ROBO1: variants seen among roughly 807,000 people sequenced by gnomAD.
ROBO1 encodes roundabout homolog 1.
In ROBO1, 149 loss-of-function variants were observed where a neutral mutation model predicts 195.9. That is an observed-to-expected ratio of 0.76 (90% CI 0.67 to 0.87). The LOEUF (loss-of-function observed/expected upper bound fraction) is 0.87. ROBO1 is among the 40% of genes least tolerant of loss of function. The pLI, the probability that ROBO1 is intolerant of heterozygous loss-of-function variation, is 0.00. For synonymous variants in ROBO1, 816 were observed against 733.2 expected (o/e 1.11, Z -1.82); for missense variants, 1,933 against 2,068.3 (o/e 0.93, Z 1.27).
chr3:79,248,374 CA>C (rs10559171), intron 2 of ROBO1, among the ~76,000 whole-genome samples: 1,392 of 36,188 alleles, frequency 0.038, 6 homozygotes, highest in African/African-American at 0.1. Flanking sequence ...GAAGACAGAC[CA>C]AAAAAAAAAA....
At chr3:78,816,515 T>C (rs886776722) in intron 4 of ROBO1, among the ~76,000 whole-genome samples, 3 of 152,144 alleles carry the variant, frequency 2.0e-5, no homozygotes, top group Non-Finnish European at 4.4e-5. Context: ...TAAGGCTATA[T>C]AGCTGCCATA....
intron 1 of ROBO1, among the ~76,000 whole-genome samples, chr3:79,767,420 A>C (rs1250909083): frequency 6.6e-6 from 1 of 152,142 alleles, no homozygotes; most frequent in Non-Finnish European, 1.5e-5. Context: ...ACACACAACA[A>C]ACAAATTCCA....
At chr3:79,518,322 A>AG (rs1451494201) in intron 2 of ROBO1, among the ~76,000 whole-genome samples, 1 of 152,160 alleles carries the variant, frequency 6.6e-6, no homozygotes, top group African/African-American at 2.4e-5. Flanking sequence ...GAGGAAAGGA[A>AG]GGGGAAGGGA....
At chr3:78,682,016 C>CT (rs1338041123) in intron 10 of ROBO1, among the ~76,000 whole-genome samples, 5 of 152,242 alleles carry the variant, frequency 3.3e-5, no homozygotes, top group African/African-American at 1.2e-4. Flanking sequence ...GGAATATACA[C>CT]TTTATCCTGA....
intron 2 of ROBO1, among the ~76,000 whole-genome samples, chr3:79,353,926 T>A (rs1443987401): frequency 6.6e-6 from 1 of 151,882 alleles, no homozygotes; most frequent in Non-Finnish European, 1.5e-5. Context: ...GCACCTGTAA[T>A]CCCAGCTACT....
intron 2 of ROBO1, among the ~76,000 whole-genome samples, chr3:79,333,314 T>C (rs984019798): frequency 1.3e-5 from 2 of 152,188 alleles, no homozygotes; most frequent in African/African-American, 2.4e-5. Flanking sequence ...GAAATGTCTT[T>C]GATTTAAAAC....
chr3:79,001,428 T>C (rs2077502518), intron 3 of ROBO1, among the ~76,000 whole-genome samples: 1 of 152,128 alleles, frequency 6.6e-6, no homozygotes, highest in South Asian at 2.1e-4. Context: ...GGAACTACAA[T>C]TCAAGATGAG....
rs1485986133 is a variant in ROBO1 at position 79,125,390 on chromosome 3, G to GT, written c.172+65dup. ...TGATTCGATTAATTTTATACAGGTG[G>GT]TTGATGGTTGATGGAGGTGGAGGCA... On this transcript the variant is annotated intron_variant, in intron 3 of 30. Coordinates refer to ENST00000464233, the MANE Select transcript of ROBO1 (RefSeq NM_002941.4). 5 of 1,251,232 alleles carry GT rather than the reference G, an allele frequency of 4.0e-6. No homozygotes were observed. The African/African-American group carries it at 7.4e-5, about 18-fold the overall frequency. The allele number at this position is 1,251,232 out of a possible 1,614,324, so 77.5% of individuals were successfully genotyped here.
At chr3:79,259,440 T>A (rs1454254072) in intron 2 of ROBO1, among the ~76,000 whole-genome samples, 1 of 151,918 alleles carries the variant, frequency 6.6e-6, no homozygotes, top group African/African-American at 2.4e-5. Context: ...ATGCCTGGCC[T>A]AAGCACACTC....
At chr3:78,918,177 C>T (rs1162015600) in intron 4 of ROBO1, among the ~76,000 whole-genome samples, 1 of 152,064 alleles carries the variant, frequency 6.6e-6, no homozygotes, top group African/African-American at 2.4e-5. Flanking sequence ...ATATGGTAAA[C>T]CATTTATGGA....
chr3:79,365,156 G>A (rs2035922395), intron 2 of ROBO1, among the ~76,000 whole-genome samples: 1 of 152,074 alleles, frequency 6.6e-6, no homozygotes, highest in Non-Finnish European at 1.5e-5. Context: ...TTCCCTCTAT[G>A]CTTTACTCCT....
chr3:78,994,363 G>A (rs1305604643), intron 3 of ROBO1, among the ~76,000 whole-genome samples: 1 of 152,114 alleles, frequency 6.6e-6, no homozygotes, highest in African/African-American at 2.4e-5. Flanking sequence ...ATTAAAAACA[G>A]TGGAGAAAAA....
intron 2 of ROBO1, among the ~76,000 whole-genome samples, chr3:79,457,630 G>T (rs2039661171): frequency 6.6e-6 from 1 of 152,016 alleles, no homozygotes; most frequent in Admixed American, 6.6e-5. Context: ...GAATCATGGG[G>T]GCAGGTATTT....
At chr3:79,304,674 T>A (rs1265394073) in intron 2 of ROBO1, among the ~76,000 whole-genome samples, 1 of 152,196 alleles carries the variant, frequency 6.6e-6, no homozygotes, top group Non-Finnish European at 1.5e-5. Context: ...TATTTAGAGG[T>A]CATTCCTTTT....
intron 3 of ROBO1, among the ~76,000 whole-genome samples, chr3:79,102,734 T>C (rs1238055453): frequency 2.6e-5 from 4 of 151,804 alleles, no homozygotes; most frequent in African/African-American, 9.7e-5. Flanking sequence ...TGAATAAAAG[T>C]CACTAAAGCA....
intron 1 of ROBO1, among the ~76,000 whole-genome samples, chr3:79,707,958 A>G (rs1408474704): frequency 1.3e-5 from 2 of 152,208 alleles, no homozygotes; most frequent in Non-Finnish European, 2.9e-5. Context: ...TATTGGCTCT[A>G]AACAATCACT....
intron 3 of ROBO1, among the ~76,000 whole-genome samples, chr3:79,006,676 T>C (rs1349286157): frequency 1.0e-4 from 1 of 9,640 alleles, no homozygotes; most frequent in Non-Finnish European, 4.3e-4. Context: ...AGCCAGCCAC[T>C]CCTTGGCCCT....
intron 3 of ROBO1, among the ~76,000 whole-genome samples, chr3:79,012,552 C>A (rs1417159203): frequency 1.3e-5 from 2 of 152,298 alleles, no homozygotes; most frequent in East Asian, 3.9e-4. Context: ...GTGAACGCCA[C>A]AGAGGTACTT....
chr3:79,565,084 G>T (rs916253962), intron 2 of ROBO1, among the ~76,000 whole-genome samples: 3 of 152,028 alleles, frequency 2.0e-5, no homozygotes, highest in Non-Finnish European at 4.4e-5. Context: ...ATTGCAGGAA[G>T]GTATTGAAAA....
Sources: allele counts gnomAD v4.1 joint callset (sites outside exome capture counted in the v4.1 genomes callset), GRCh38; gene constraint gnomAD v4.1.1; transcripts MANE v1.5; gene names NCBI Gene and HGNC (gene_info 2026-07-23, HGNC 2026-07-21).